The following LRRTM3 variants were observed in gnomAD, a reference collection of about 807,000 sequenced individuals.
LRRTM3 encodes leucine rich repeat transmembrane neuronal 3, also known as leucine-rich repeat transmembrane neuronal protein 3.
A neutral mutation model predicts 44.7 loss-of-function variants in LRRTM3; 24 were observed. The ratio of observed to expected loss-of-function variants is 0.54; its 90% CI spans 0.39 to 0.76. The LOEUF (loss-of-function observed/expected upper bound fraction) is 0.76, where lower values mean the gene tolerates loss of function less well. Ranked by LOEUF, LRRTM3 falls within the 30% of genes least tolerant of loss-of-function variation. The probability of loss-of-function intolerance (pLI) is 0.00; values close to 1 mark genes in which losing one functional copy is unlikely to be tolerated. For synonymous variants in LRRTM3, 277 were observed against 278.7 expected (o/e 0.99, Z 0.06); for missense variants, 587 against 702.2 (o/e 0.84, Z 1.85).
intron 2 of LRRTM3, among the ~76,000 whole-genome samples, chr10:66,942,329 G>C (rs530096600): frequency 6.6e-6 from 1 of 152,120 alleles, no homozygotes; most frequent in East Asian, 1.9e-4. Context: ...ACCTGAAAAG[G>C]ATCTACCAGC....
chr10:67,087,361 C>A (rs915937344), intron 2 of LRRTM3, among the ~76,000 whole-genome samples: 3 of 151,920 alleles, frequency 2.0e-5, no homozygotes, highest in Non-Finnish European at 4.4e-5. Flanking sequence ...TTGAAAAACA[C>A]AGATATTGTG....
At position 66,927,749 on chromosome 10, in the gene LRRTM3, C is replaced by T; in HGVS notation, c.833C>T (p.Pro278Leu). 1.9e-6 allele frequency: 3 copies of T among 1,614,112 alleles called. No homozygotes were observed. In the South Asian group the frequency reaches 3.3e-5, roughly 18 times the overall value. The change falls in exon 2 of 3, where the codon CCG becomes CTG. Residue 278 changes from proline to leucine, a missense_variant. Physicochemically the swap from Pro to Leu is moderately conservative, Grantham distance 98. Transcript: ENST00000361320. The surrounding 1 kb of genome is among the most constrained non-coding windows in gnomAD (Gnocchi z 4.7). ...FSGPSVFQCV[P>L]NLQRLNLDSN... ...GGACCCAGTGTTTTCCAGTGTGTCC[C>T]GAATCTGCAGCGCCTCAACCTGGAT...
At chr10:67,047,397 A>G (rs1486041697) in intron 2 of LRRTM3, among the ~76,000 whole-genome samples, 3 of 152,166 alleles carry the variant, frequency 2.0e-5, no homozygotes, top group African/African-American at 7.2e-5. Flanking sequence ...ATCAAAAACA[A>G]GAGAGAACAA....
At chr10:66,936,602 G>A (rs1847709627) in intron 2 of LRRTM3, among the ~76,000 whole-genome samples, 1 of 152,090 alleles carries the variant, frequency 6.6e-6, no homozygotes, top group Non-Finnish European at 1.5e-5. Context: ...GAAAGTCACA[G>A]GGTCAGTTTC....
intron 2 of LRRTM3, among the ~76,000 whole-genome samples, chr10:67,049,253 G>A (rs916176089): frequency 6.6e-6 from 1 of 152,028 alleles, no homozygotes; most frequent in Non-Finnish European, 1.5e-5. Context: ...CATGTAGACC[G>A]TGCCTGATAA....
chr10:67,055,198 A>G (rs941949869), intron 2 of LRRTM3, among the ~76,000 whole-genome samples: 3 of 152,158 alleles, frequency 2.0e-5, no homozygotes, highest in African/African-American at 7.2e-5. Flanking sequence ...AACTTTCCAC[A>G]TAAAATGTGG....
intron 2 of LRRTM3, among the ~76,000 whole-genome samples, chr10:67,075,343 A>T (rs79728238): frequency 0.055 from 8,340 of 152,276 alleles, 334 homozygotes; most frequent in South Asian, 0.19. Flanking sequence ...AAGAACAAGT[A>T]TTTCATTCCA....
chr10:66,967,021 T>A (rs1182360483), intron 2 of LRRTM3, among the ~76,000 whole-genome samples: 2 of 152,004 alleles, frequency 1.3e-5, no homozygotes, highest in Non-Finnish European at 2.9e-5. Flanking sequence ...AAATATAAGT[T>A]CATAGCGCAA....
At position 67,097,597 on chromosome 10, in the gene LRRTM3, C is replaced by T; in HGVS notation, c.1547C>T (p.Ser516Leu). ...SGSRECEIPL[S>L]MNVSTFLAYD... ...GTCATTTTTCCCCAGATACCTTTAT[C>T]AATGAATGTGTCAACCTTTCTGGCA... The change falls in exon 3 of 3, where the codon TCA (serine) becomes TTA (leucine). Residue 516 changes from serine (S) to leucine (L), a missense_variant. Transcript: ENST00000361320. 1.2e-6 allele frequency: 2 copies of T among 1,612,122 alleles called. No homozygotes were observed. The highest frequency in any genetic ancestry group is 4.5e-5 in the East Asian group (2 of 44,822).
At chr10:67,095,720 G>A (rs1857950522) in intron 2 of LRRTM3, among the ~76,000 whole-genome samples, 1 of 151,758 alleles carries the variant, frequency 6.6e-6, no homozygotes, top group East Asian at 1.9e-4. Context: ...ATAAGGACAA[G>A]TATATAAAAT....
At chr10:66,985,529 G>T (rs1044702168) in intron 2 of LRRTM3, among the ~76,000 whole-genome samples, 1 of 152,024 alleles carries the variant, frequency 6.6e-6, no homozygotes, top group African/African-American at 2.4e-5. Flanking sequence ...TTCTGCAGAT[G>T]GTTCCCATTG....
intron 2 of LRRTM3, among the ~76,000 whole-genome samples, chr10:66,957,749 T>C (rs1848901629): frequency 6.6e-6 from 1 of 152,024 alleles, no homozygotes; most frequent in Admixed American, 6.6e-5. Flanking sequence ...ATCACCATCC[T>C]AAGGCAGAAG....
chr10:66,937,688 A>G (rs1042973750), intron 2 of LRRTM3, among the ~76,000 whole-genome samples: 2 of 152,028 alleles, frequency 1.3e-5, no homozygotes, highest in African/African-American at 4.8e-5. Context: ...TTATTGCCCT[A>G]CCCTTTCCCA....
intron 2 of LRRTM3, among the ~76,000 whole-genome samples, chr10:67,025,564 T>G (rs1403819712): frequency 6.6e-6 from 1 of 151,954 alleles, no homozygotes; most frequent in African/African-American, 2.4e-5. Flanking sequence ...TTATTTGCAA[T>G]GTTACTGAGA....
intron 2 of LRRTM3, among the ~76,000 whole-genome samples, chr10:66,984,481 G>T (rs1056577070): frequency 6.6e-6 from 1 of 152,086 alleles, no homozygotes; most frequent in African/African-American, 2.4e-5. Context: ...TAACACTAAG[G>T]AAATAAAATC....
At chr10:66,978,731 C>T (rs1359485651) in intron 2 of LRRTM3, among the ~76,000 whole-genome samples, 1 of 148,950 alleles carries the variant, frequency 6.7e-6, no homozygotes, top group South Asian at 2.1e-4. Flanking sequence ...ATTTACTAAA[C>T]CTGTCACATT....
chr10:66,962,031 G>A (rs1384184921), intron 2 of LRRTM3, among the ~76,000 whole-genome samples: 1 of 152,118 alleles, frequency 6.6e-6, no homozygotes, highest in African/African-American at 2.4e-5. Context: ...CCACTACTCT[G>A]GTTTAAGCCA....
intron 2 of LRRTM3, among the ~76,000 whole-genome samples, chr10:67,037,334 T>C (rs1268935817): frequency 6.7e-6 from 1 of 149,918 alleles, no homozygotes; most frequent in Non-Finnish European, 1.5e-5. Context: ...CAGCAGTTAC[T>C]ATGTGGCAAC....
intron 2 of LRRTM3, among the ~76,000 whole-genome samples, chr10:66,944,513 T>C (rs1848182271): frequency 6.6e-6 from 1 of 152,220 alleles, no homozygotes; most frequent in African/African-American, 2.4e-5. Flanking sequence ...TGTTGATGTT[T>C]TGACTTCCTC....
Sources: gnomAD v4.1 joint callset for allele counts (sites outside exome capture counted in the v4.1 genomes callset) on GRCh38, gnomAD v4.1.1 for gene constraint, Gnocchi (gnomAD v3.1) non-coding constraint, MANE v1.5 for transcripts, NCBI Gene and HGNC (gene_info 2026-07-23, HGNC 2026-07-21) for gene names.